Variants in PRKG1 observed in about 807,000 individuals in gnomAD.
PRKG1 encodes protein kinase cGMP-dependent 1.
A neutral mutation model predicts 88.1 loss-of-function variants in PRKG1; 35 were observed. The ratio of observed to expected loss-of-function variants is 0.40; its 90% CI spans 0.30 to 0.53. The LOEUF (loss-of-function observed/expected upper bound fraction) is 0.53, where lower values mean the gene tolerates loss of function less well. Ranked by LOEUF, PRKG1 falls within the 20% of genes least tolerant of loss-of-function variation. PRKG1 has a pLI of 0.59. For missense variants in PRKG1, 540 were observed against 839.8 expected (o/e 0.64, Z 4.41); for synonymous variants, 303 against 292.5 (o/e 1.04, Z -0.37).
chr10:51,712,270 T>A (rs1222695801), intron 3 of PRKG1, among the ~76,000 whole-genome samples: 1 of 152,198 alleles, frequency 6.6e-6, no homozygotes, highest in Non-Finnish European at 1.5e-5. Flanking sequence ...AGAGGGCACC[T>A]CTTACATGGT....
chr10:51,143,428 T>C (rs1845869543), intron 1 of PRKG1, among the ~76,000 whole-genome samples: 2 of 152,140 alleles, frequency 1.3e-5, no homozygotes, highest in Admixed American at 1.3e-4. Context: ...TTGCAAATAG[T>C]GCTGCAATAA....
At chr10:52,107,153 T>C (rs945209634) in intron 7 of PRKG1, among the ~76,000 whole-genome samples, 3 of 152,134 alleles carry the variant, frequency 2.0e-5, no homozygotes, top group Admixed American at 2.0e-4. Context: ...CATTTTGTCA[T>C]AGAAACATGA....
At chr10:51,693,374 A>G (rs1469818958) in intron 3 of PRKG1, among the ~76,000 whole-genome samples, 4 of 150,320 alleles carry the variant, frequency 2.7e-5, no homozygotes, top group African/African-American at 7.3e-5. Context: ...TGTTATTTTT[A>G]ATGATGTTAC....
chr10:51,242,847 A>T (rs1045215683), intron 2 of PRKG1, among the ~76,000 whole-genome samples: 1 of 152,168 alleles, frequency 6.6e-6, no homozygotes, highest in African/African-American at 2.4e-5. Flanking sequence ...TATAGTGAAC[A>T]CTAAGACAGG....
At chr10:51,947,237 G>A (rs1259790298) in intron 5 of PRKG1, among the ~76,000 whole-genome samples, 3 of 152,126 alleles carry the variant, frequency 2.0e-5, no homozygotes, top group East Asian at 3.9e-4. Context: ...AGCAATCAGC[G>A]AGACTCCGTG....
intron 2 of PRKG1, among the ~76,000 whole-genome samples, chr10:51,249,713 A>G (rs1194193839): frequency 6.6e-6 from 1 of 151,828 alleles, no homozygotes; most frequent in Non-Finnish European, 1.5e-5. Context: ...AAAGGACACT[A>G]TACAATTTTT....
chr10:51,891,193 G>A (rs1217418777), intron 4 of PRKG1, among the ~76,000 whole-genome samples: 2 of 152,148 alleles, frequency 1.3e-5, no homozygotes, highest in Admixed American at 1.3e-4. Flanking sequence ...GAGCTCAGGA[G>A]TTTGAGGCTA....
intron 3 of PRKG1, among the ~76,000 whole-genome samples, chr10:51,577,767 C>G (rs1320814638): frequency 6.6e-6 from 1 of 152,082 alleles, no homozygotes; most frequent in East Asian, 1.9e-4. Context: ...GTTTTGATTA[C>G]CTATGTTTAT....
intron 4 of PRKG1, among the ~76,000 whole-genome samples, chr10:51,864,678 T>C (rs570257818): frequency 1.3e-5 from 2 of 152,328 alleles, no homozygotes; most frequent in South Asian, 4.1e-4. Context: ...TATTATGACA[T>C]GTTGGTGTCT....
intron 4 of PRKG1, among the ~76,000 whole-genome samples, chr10:51,856,337 C>G (rs1453520239): frequency 2.6e-5 from 4 of 152,154 alleles, no homozygotes; most frequent in African/African-American, 4.8e-5. Flanking sequence ...GGTTAGAATT[C>G]TGCTCTGCCA....
At chr10:52,102,082 G>A (rs563120984) in intron 7 of PRKG1, among the ~76,000 whole-genome samples, 2 of 152,260 alleles carry the variant, frequency 1.3e-5, no homozygotes, top group African/African-American at 4.8e-5. Flanking sequence ...AAGGGCTAAA[G>A]AACATGAACC....
chr10:51,730,012 C>T (rs1028564441), intron 3 of PRKG1, among the ~76,000 whole-genome samples: 3 of 152,148 alleles, frequency 2.0e-5, no homozygotes, highest in East Asian at 1.9e-4. Context: ...TATATTGACC[C>T]GTCATTACCC....
chr10:51,246,366 T>G (rs1213501254), intron 2 of PRKG1, among the ~76,000 whole-genome samples: 1 of 152,014 alleles, frequency 6.6e-6, no homozygotes, highest in East Asian at 1.9e-4. Context: ...ACAGCATAGA[T>G]AGAGAGATAG....
At chr10:51,140,474 A>C (rs1332451059) in intron 1 of PRKG1, among the ~76,000 whole-genome samples, 1 of 152,216 alleles carries the variant, frequency 6.6e-6, no homozygotes, top group Non-Finnish European at 1.5e-5. Context: ...CACCTGGACC[A>C]GCGTGGTTGT....
chr10:51,633,958 A>G (rs1252094494), intron 3 of PRKG1, among the ~76,000 whole-genome samples: 1 of 152,098 alleles, frequency 6.6e-6, no homozygotes, highest in Non-Finnish European at 1.5e-5. Flanking sequence ...GGGCTCTGGA[A>G]CCCCCTCTTT....
chr10:51,739,210 G>T lies in PRKG1; in HGVS notation c.593-65375G>T, dbSNP rs534174720. ...ATTTATTGTCTTTTTTTCCCTAATTGCTCTGTGTGTGTTTTTTGAAATATC... is the reference window on the plus strand; with the variant it reads ...ATTTATTGTCTTTTTTTCCCTAATTTCTCTGTGTGTGTTTTTTGAAATATC... On this transcript the variant is annotated intron_variant, in intron 3 of 17. Transcript: ENST00000373980. Among the ~76,000 whole-genome samples, 160 of 151,950 alleles carry T rather than the reference G, an allele frequency of 1.1e-3. 2 individuals carry two copies. Among genetic ancestry groups the T allele is most frequent in the African/African-American group, 3.7e-3 (153 of 41,438 alleles).
chr10:51,993,895 C>A (rs1180586334), intron 5 of PRKG1, among the ~76,000 whole-genome samples: 1 of 152,136 alleles, frequency 6.6e-6, no homozygotes, highest in Non-Finnish European at 1.5e-5. Context: ...TGTTCAAAAG[C>A]CTTTCCTAGG....
chr10:51,542,296 T>C (rs1842323806), intron 3 of PRKG1, among the ~76,000 whole-genome samples: 1 of 152,178 alleles, frequency 6.6e-6, no homozygotes, highest in Admixed American at 6.6e-5. Flanking sequence ...CTAACATGCC[T>C]GAAACGTTCC....
chr10:51,417,643 A>G (rs1838280357), intron 2 of PRKG1, among the ~76,000 whole-genome samples: 1 of 152,186 alleles, frequency 6.6e-6, no homozygotes, highest in South Asian at 2.1e-4. Context: ...ATCATTATTA[A>G]ACGTGAGTTA....
Sources: gnomAD v4.1 joint callset for allele counts (sites outside exome capture counted in the v4.1 genomes callset) on GRCh38, gnomAD v4.1.1 for gene constraint, MANE v1.5 for transcripts, NCBI Gene and HGNC (gene_info 2026-07-23, HGNC 2026-07-21) for gene names.